BCL11B: variants seen among roughly 807,000 people sequenced by gnomAD.
BCL11B encodes B-cell lymphoma/leukemia 11B.
Under a neutral mutation model 49.9 loss-of-function variants are expected in BCL11B, and 8 were observed. That is an observed-to-expected ratio of 0.16 (90% confidence interval 0.09 to 0.29). BCL11B has a LOEUF of 0.29. Among genes scored for constraint, BCL11B ranks in the 10% least tolerant of loss-of-function variants. BCL11B has a pLI of 1.00. For synonymous variants in BCL11B, 739 were observed against 637.4 expected (o/e 1.16, Z -2.40); for missense variants, 1,006 against 1,351.0 (o/e 0.74, Z 4.00).
In BCL11B at chr14:99,213,344, G is replaced by A. The variant is rs974548837; in HGVS notation, c.640+18001C>T. Among the ~76,000 whole-genome samples the A allele has an allele frequency of 3.9e-5, 6 of 152,192 alleles. No homozygotes were observed. Among genetic ancestry groups the A allele is most frequent in the African/African-American group, 1.4e-4 (6 of 41,452 alleles). ...CCCGACTAATCAGACAGCAGAGGCTGCCACCCAGAATGCCCGGCACGTTAT... is the reference window on the plus strand; with the variant it reads ...CCCGACTAATCAGACAGCAGAGGCTACCACCCAGAATGCCCGGCACGTTAT... On this transcript the variant is annotated intron_variant, in intron 3 of 3. Transcript: ENST00000357195. This position sits in a 1 kb window ranked among gnomAD's most constrained non-coding sequence, Gnocchi z 5.1.
intron 3 of BCL11B, among the ~76,000 whole-genome samples, chr14:99,181,503 G>T (rs1174460746): frequency 2.0e-5 from 3 of 152,264 alleles, no homozygotes; most frequent in South Asian, 2.1e-4. Flanking sequence ...GCCCCGCCTC[G>T]GCACACAGCA....
In BCL11B at chr14:99,207,311, C is replaced by T. The variant is rs989419048; in HGVS notation, c.640+24034G>A. On this transcript the variant is annotated intron_variant, in intron 3 of 3. Transcript: ENST00000357195. ...CCAATAGCTGCTCCAGCTCAGGGGG[C>T]CCCCTGCACCTTGATGAGCCTTTGC... is the stretch of plus-strand genomic sequence containing the variant. Among the ~76,000 whole-genome samples, 3 of 152,254 alleles carry T rather than the reference C, an allele frequency of 2.0e-5. No individual in the cohort carries two copies. The East Asian group carries it at 5.8e-4, about 29-fold the overall frequency.
At chr14:99,254,663 C>T (rs377001627) in intron 2 of BCL11B, among the ~76,000 whole-genome samples, 36 of 152,332 alleles carry the variant, frequency 2.4e-4, no homozygotes, top group African/African-American at 8.2e-4. Flanking sequence ...GGGACAATAG[C>T]AGGTCATGGA....
At chr14:99,221,637 G>A (rs1159222711) in intron 3 of BCL11B, among the ~76,000 whole-genome samples, 1 of 152,264 alleles carries the variant, frequency 6.6e-6, no homozygotes, top group Non-Finnish European at 1.5e-5. Flanking sequence ...GTGGGCCCCA[G>A]GCTCGAGGAG....
chr14:99,230,614 G>A (rs1359585102), intron 3 of BCL11B, among the ~76,000 whole-genome samples: 2 of 152,224 alleles, frequency 1.3e-5, no homozygotes, highest in Non-Finnish European at 2.9e-5. Context: ...TTGGGGAGAA[G>A]CAGGGCAGGT....
chr14:99,204,730 C>A (rs376557327), intron 3 of BCL11B, among the ~76,000 whole-genome samples: 1 of 152,364 alleles, frequency 6.6e-6, no homozygotes, highest in African/African-American at 2.4e-5. Context: ...CACATCCAGA[C>A]AGAGCGAGAG....
rs1296419747 is a variant in BCL11B, at chr14:99,213,439, C to A, written c.640+17906G>T. 6.6e-6 allele frequency among the ~76,000 whole-genome samples: 1 copy of A among 152,170 alleles called. No individual in the cohort carries two copies. The highest frequency in any genetic ancestry group is 6.5e-5 in the Admixed American group (1 of 15,288). The stretch of plus-strand genomic sequence containing the variant: ...TTCCCCTCCAAAAATTCGAGGAACA[C>A]CAAAATGACTCTCATCTGGACTGGT... On this transcript the variant is annotated intron_variant, in intron 3 of 3. Transcript: ENST00000357195. This position sits in a 1 kb window ranked among gnomAD's most constrained non-coding sequence, Gnocchi z 5.1.
chr14:99,254,809 TC>T (rs1889112129), intron 2 of BCL11B, among the ~76,000 whole-genome samples: 3 of 152,196 alleles, frequency 2.0e-5, no homozygotes. Flanking sequence ...TGATTCCTAG[TC>T]CCCCTCTTAA....
Position 99,175,161 on chromosome 14 carries a change from C to A in BCL11B, c.1675G>T (p.Asp559Tyr). The A allele has an allele frequency of 6.3e-7, 1 of 1,593,288 alleles. No homozygotes were observed. Among genetic ancestry groups the A allele is most frequent in the South Asian group, 1.1e-5 (1 of 89,780 alleles). Residue 559 changes from aspartate (D) to tyrosine (Y), a missense_variant, in exon 4 of 4, where the codon GAC becomes TAC. Transcript: ENST00000357195. ...ESRPESSFSM[D>Y]SELSRNRENG... ...TCGCGGTTGCGGCTCAGCTCCGAGT[C>A]CATGCTGAAGCTCGACTCGGGCCGG... is the stretch of plus-strand genomic sequence containing the variant.
At chr14:99,217,418 G>A (rs10527654) in intron 3 of BCL11B, among the ~76,000 whole-genome samples, 47,953 of 108,348 alleles carry the variant, frequency 0.44, 8,999 homozygotes, top group Non-Finnish European at 0.52. Context: ...ACACACACAC[G>A]GCCTTTTATT....
intron 3 of BCL11B, among the ~76,000 whole-genome samples, chr14:99,182,051 G>A (rs541672979): frequency 1.3e-4 from 20 of 152,244 alleles, no homozygotes; most frequent in African/African-American, 4.6e-4. Context: ...TTTAAGTTTC[G>A]TGTCTATATC....
At chr14:99,212,264 T>C (rs1471337842) in intron 3 of BCL11B, among the ~76,000 whole-genome samples, 1 of 151,898 alleles carries the variant, frequency 6.6e-6, no homozygotes, top group Non-Finnish European at 1.5e-5. Context: ...GCCAGAGAGG[T>C]GGCCTTCCAG....
chr14:99,181,375 A>T (rs1886696625), intron 3 of BCL11B, among the ~76,000 whole-genome samples: 1 of 152,204 alleles, frequency 6.6e-6, no homozygotes, highest in Non-Finnish European at 1.5e-5. Flanking sequence ...GGGCCAGGGG[A>T]AAACTGCATC....
intron 3 of BCL11B, among the ~76,000 whole-genome samples, chr14:99,217,506 T>G (rs910611525): frequency 6.6e-6 from 1 of 152,198 alleles, no homozygotes; most frequent in African/African-American, 2.4e-5. Context: ...AGGCAATGTT[T>G]GGCTCCAAAT....
intron 3 of BCL11B, among the ~76,000 whole-genome samples, chr14:99,199,683 T>TGTGCGCGCGCGCGCGC (rs759599743): frequency 1.4e-5 from 1 of 73,644 alleles, no homozygotes; most frequent in African/African-American, 3.4e-5. Context: ...TGTGTGTGTG[T>TGTGCGCGCGCGCGCGC]GCGCGCGCGC....
At chr14:99,193,238 G>C (rs1887088812) in intron 3 of BCL11B, among the ~76,000 whole-genome samples, 1 of 152,106 alleles carries the variant, frequency 6.6e-6, no homozygotes, top group African/African-American at 2.4e-5. Flanking sequence ...TTCTCCCTAT[G>C]TTGTTTACAA....
intron 3 of BCL11B, among the ~76,000 whole-genome samples, chr14:99,198,105 G>A (rs1372901497): frequency 6.6e-6 from 1 of 152,216 alleles, no homozygotes; most frequent in African/African-American, 2.4e-5. Flanking sequence ...GTTGGCAGAG[G>A]CTGCCGATGC....
In BCL11B at chr14:99,229,003, A is replaced by AATGGATGGATGGATGG. The variant is rs546394639; in HGVS notation, c.640+2326_640+2341dup. ...GGATGGATGGATGGCTACATGGATG[A>AATGGATGGATGGATGG]ATGGATGGATGGATGGATGGATGGA... On this transcript the variant is annotated intron_variant, in intron 3 of 3. Coordinates refer to ENST00000357195, the MANE Select transcript of BCL11B (RefSeq NM_138576.4). Among the ~76,000 whole-genome samples the AATGGATGGATGGATGG allele has an allele frequency of 2.2e-3, 239 of 107,624 alleles. 2 individuals carry two copies. In the East Asian group the frequency reaches 0.051, roughly 23 times the overall value. 70.6% of individuals were successfully genotyped at this position (107,624 alleles called of 152,430 possible). A position where few individuals can be genotyped will look rare whatever the true frequency, so the allele number is the denominator to read the frequency against.
chr14:99,263,340 T>C (rs994112448), intron 1 of BCL11B: 7 of 153,356 alleles, frequency 4.6e-5, no homozygotes, highest in Non-Finnish European at 8.8e-5. Flanking sequence ...TCGCCGTTTC[T>C]GACATGTGAG....
Sources: allele counts gnomAD v4.1 joint callset (sites outside exome capture counted in the v4.1 genomes callset), GRCh38; gene constraint gnomAD v4.1.1; non-coding constraint Gnocchi (gnomAD v3.1); transcripts MANE v1.5; gene names NCBI Gene and HGNC (gene_info 2026-07-23, HGNC 2026-07-21).